The following AHSA1 variants were observed in gnomAD, a reference collection of about 807,000 sequenced individuals.
The protein encoded by AHSA1 is activator of 90 kDa heat shock protein ATPase homolog 1.
AHSA1 carries 14 observed loss-of-function variants against 46.1 expected under a neutral mutation model. The ratio of observed to expected loss-of-function variants is 0.30; its 90% CI spans 0.20 to 0.47. The LOEUF is 0.47. Ranked by LOEUF, AHSA1 falls within the 20% of genes least tolerant of loss-of-function variation. The probability of loss-of-function intolerance (pLI) is 0.99; values close to 1 mark genes in which losing one functional copy is unlikely to be tolerated. For missense variants in AHSA1, 333 were observed against 415.9 expected, an observed-to-expected ratio of 0.80 and a Z score of 1.73; for synonymous variants, 147 against 145.8, an observed-to-expected ratio of 1.01 and a Z score of -0.06.
intron 6 of AHSA1, 139 bp downstream of exon 6, chr14:77,465,806 A>C: frequency 1.2e-6 from 1 of 824,014 alleles, no homozygotes; most frequent in Non-Finnish European, 1.7e-6. Context: ...ATCAAAGTGA[A>C]TTTTTCCCTC....
At position 77,469,173 on chromosome 14, in the gene AHSA1, GGACGC is replaced by G; in HGVS notation, c.945_949del (p.Arg316GlyfsTer8). The G allele has an allele frequency of 6.2e-7, 1 of 1,614,188 alleles. No homozygotes were observed. The highest frequency in any genetic ancestry group is 2.2e-5 in the East Asian group (1 of 44,878). ...GGCATCCCTGCTCCTGAGGAAGAGCGGACGCGACAGGGCTGGCAGCGGTACTACTT... is the reference window on the plus strand; with the variant it reads ...GGCATCCCTGCTCCTGAGGAAGAGCGGACAGGGCTGGCAGCGGTACTACTT... On this transcript the variant is annotated frameshift_variant, in exon 9 of 9. Transcript: ENST00000216479. LOFTEE classifies it high-confidence loss of function.
At chr14:77,462,295 A>G in intron 3 of AHSA1, 53 bp downstream of exon 3, 10 of 1,519,184 alleles carry the variant, frequency 6.6e-6, no homozygotes, top group Non-Finnish European at 9.1e-6. Context: ...TTATTCTCAG[A>G]TGAGAAAAGT....
intron 8 of AHSA1, chr14:77,468,721 C>CTTTTTTTTTTTTTTTTTTTT (rs572116649): frequency 1.8e-5 from 4 of 224,428 alleles, no homozygotes; most frequent in African/African-American, 4.6e-5. Flanking sequence ...ACCATGCCAG[C>CTTTTTTTTTTTTTTTTTTTT]TTTTTTTTTT....
chr14:77,464,198 G>C (rs2079038214), intron 4 of AHSA1, among the ~76,000 whole-genome samples: 1 of 152,164 alleles, frequency 6.6e-6, no homozygotes, highest in African/African-American at 2.4e-5. Context: ...CCAACATGGT[G>C]AAACCCCGTC....
At chr14:77,468,755 C>CTTTTTTTTTTTTTTTTTTTTTTTTTT (rs770728219) in intron 8 of AHSA1, 5 of 313,408 alleles carry the variant, frequency 1.6e-5, no homozygotes, top group African/African-American at 1.4e-4. Context: ...TACTTTTTTA[C>CTTTTTTTTTTTTTTTTTTTTTTTTTT]TTTTTTTGTA....
At chr14:77,463,173 G>C (rs1247825479) in intron 4 of AHSA1, 1 of 201,518 alleles carries the variant, frequency 5.0e-6, no homozygotes, top group East Asian at 1.1e-4. Context: ...CCAGCTACTC[G>C]GGAGGCTGAG....
In AHSA1 at chr14:77,458,283, A is replaced by G; in HGVS notation, c.80+14A>G. ...CAACTGGCACTGGTGAGGGCCAGAA[A>G]AGCAGGCCGGCCTTGGGAGACCTGC... On this transcript the variant is annotated intron_variant, in intron 1 of 8. Transcript: ENST00000216479. 1 of 1,543,792 alleles carries G rather than the reference A, an allele frequency of 6.5e-7. No homozygotes were observed. The highest frequency in any genetic ancestry group is 8.7e-7 in the Non-Finnish European group (1 of 1,144,388).
rs1172343645 is a variant in AHSA1 at position 77,462,668 on chromosome 14, G to C, written c.381G>C (p.Glu127Asp). 3 of 1,614,142 alleles carry C rather than the reference G, an allele frequency of 1.9e-6. No individual in the cohort carries two copies. The highest frequency in any genetic ancestry group is 2.5e-6 in the Non-Finnish European group (3 of 1,180,016). ...TTAGTGTGAGCCTTGCCAAAGATGA[G>C]CCTGACACAAATCTCGTGGCCTTAA... ...VEISVSLAKD[E>D]PDTNLVALMK... The change falls in exon 4 of 9, where the codon GAG becomes GAC. Residue 127 changes from glutamate (E) to aspartate (D), a missense_variant. Coordinates refer to ENST00000216479, the MANE Select transcript of AHSA1 (RefSeq NM_012111.3).
intron 2 of AHSA1, chr14:77,460,011 A>G (rs2079014758): frequency 3.3e-6 from 2 of 606,362 alleles, no homozygotes; most frequent in Admixed American, 2.9e-5. Context: ...TCTGGGTCTC[A>G]TAAGTCCCAT....
intron 2 of AHSA1, among the ~76,000 whole-genome samples, chr14:77,461,940 T>C (rs8018509): frequency 0.82 from 125,260 of 152,084 alleles, 52,497 homozygotes; most frequent in East Asian, 0.96. Context: ...GCTCTTTGTC[T>C]CACATTGTAA....
At chr14:77,460,306 G>A (rs8006688) in intron 2 of AHSA1, 79,678 of 180,840 alleles carry the variant, frequency 0.44, 20,704 homozygotes, top group East Asian at 0.93. Flanking sequence ...GAGGTCATGC[G>A]TATGACCGTT....
Position 77,458,201 on chromosome 14 carries a change from G to A in AHSA1, c.12G>A (p.Trp4Ter). Residue 4 changes from tryptophan (W) to a stop codon, truncating the protein, a stop_gained, in exon 1 of 9, where the codon TGG becomes TGA. Coordinates refer to ENST00000216479, the MANE Select transcript of AHSA1 (RefSeq NM_012111.3). LOFTEE classifies it high-confidence loss of function. MAK[W>*]GEGDPRWIVE... ...CGATAGGAGAGCCGATGGCCAAGTGGGGTGAGGGAGACCCACGCTGGATCG... is the reference window on the plus strand; with the variant it reads ...CGATAGGAGAGCCGATGGCCAAGTGAGGTGAGGGAGACCCACGCTGGATCG... 3 of 1,540,424 alleles carry A rather than the reference G, an allele frequency of 1.9e-6. No homozygotes were observed. The highest frequency in any genetic ancestry group is 2.6e-6 in the Non-Finnish European group (3 of 1,143,446).
At chr14:77,468,721 C>CTTTTTTTTTTTTTTTTTTTTTT (rs572116649) in intron 8 of AHSA1, 9 of 224,430 alleles carry the variant, frequency 4.0e-5, no homozygotes, top group African/African-American at 2.7e-4. Flanking sequence ...ACCATGCCAG[C>CTTTTTTTTTTTTTTTTTTTTTT]TTTTTTTTTT....
At chr14:77,461,913 C>G (rs535490428) in intron 2 of AHSA1, among the ~76,000 whole-genome samples, 1 of 152,346 alleles carries the variant, frequency 6.6e-6, no homozygotes, top group Non-Finnish European at 1.5e-5. Flanking sequence ...ATAACTCATG[C>G]TAGTACCAAA....
intron 6 of AHSA1, among the ~76,000 whole-genome samples, chr14:77,466,722 C>T (rs200169002): frequency 6.6e-6 from 1 of 152,216 alleles, no homozygotes; most frequent in East Asian, 1.9e-4. Flanking sequence ...CAAAATTGTA[C>T]TGTACTTCAG....
chr14:77,459,793 A>G lies in AHSA1; in HGVS notation c.258A>G (p.Lys86=). The G allele has an allele frequency of 6.2e-7, 1 of 1,614,216 alleles. No homozygotes were observed. The highest frequency in any genetic ancestry group is 1.7e-5 in the Admixed American group (1 of 60,026). ...KLIFFYEWSV[K]LNWTGTSKSG... is the part of the protein sequence containing the mutation. ...TCTTCTTTTATGAATGGAGCGTCAA[A>G]CTAAACTGGACAGGTAAGTCTAAGC... The change falls in exon 2 of 9, where the codon AAA becomes AAG. Residue 86 remains lysine (K), a synonymous_variant. Coordinates refer to ENST00000216479, the MANE Select transcript of AHSA1 (RefSeq NM_012111.3).
chr14:77,459,829 G>A, intron 2 of AHSA1, 23 bp downstream of exon 2: 3 of 1,612,808 alleles, frequency 1.9e-6, no homozygotes, highest in Non-Finnish European at 2.5e-6. Flanking sequence ...TGGGCTGTCA[G>A]AGAGATTAAC....
In AHSA1 at chr14:77,458,150, C is replaced by A. The variant is rs529548993; in HGVS notation, c.-40C>A. ...CTAAGCGGTCCTGAGGCTGTGGCTA[C>A]GGCTGCTCCGGAGCTGGTGGCGCCG... On this transcript the variant is annotated 5_prime_UTR_variant, in exon 1 of 9. Coordinates refer to ENST00000216479, the MANE Select transcript of AHSA1 (RefSeq NM_012111.3). 15 of 1,503,834 alleles carry A rather than the reference C, an allele frequency of 1.0e-5. No homozygotes were observed. In the South Asian group the frequency reaches 1.5e-4, roughly 15 times the overall value. The allele number at this position is 1,503,834 out of a possible 1,614,324, so 93.2% of individuals were successfully genotyped here.
intron 6 of AHSA1, among the ~76,000 whole-genome samples, chr14:77,467,429 C>T (rs1016905499): frequency 1.3e-5 from 2 of 151,342 alleles, no homozygotes; most frequent in African/African-American, 4.9e-5. Flanking sequence ...CGCGGTGGCT[C>T]ACGCCTGTAA....
Sources: allele counts gnomAD v4.1 joint callset (sites outside exome capture counted in the v4.1 genomes callset), GRCh38; gene constraint gnomAD v4.1.1; transcripts MANE v1.5; gene names NCBI Gene and HGNC (gene_info 2026-07-23, HGNC 2026-07-21).